AGAP1: variants seen among roughly 807,000 people sequenced by gnomAD.
The protein encoded by AGAP1 is ArfGAP with GTPase domain, ankyrin repeat and PH domain 1.
Under a neutral mutation model 105.3 loss-of-function variants are expected in AGAP1, and 29 were observed. The ratio of observed to expected loss-of-function variants is 0.28; its 90% CI spans 0.21 to 0.38. The LOEUF (loss-of-function observed/expected upper bound fraction) is 0.38, where lower values mean the gene tolerates loss of function less well. Ranked by LOEUF, AGAP1 falls within the 10% of genes least tolerant of loss-of-function variation. AGAP1 has a pLI of 1.00. For synonymous variants in AGAP1, 509 were observed against 485.9 expected, an observed-to-expected ratio of 1.05 and a Z score of -0.63; for missense variants, 998 against 1,165.1, an observed-to-expected ratio of 0.86 and a Z score of 2.09.
intron 13 of AGAP1, among the ~76,000 whole-genome samples, chr2:235,997,095 T>G (rs181507592): frequency 2.6e-5 from 4 of 152,194 alleles, no homozygotes; most frequent in Admixed American, 2.0e-4. Context: ...GAAGATCTTT[T>G]TTGTTGTTGT....
chr2:236,013,991 T>C (rs1234152742), intron 13 of AGAP1, among the ~76,000 whole-genome samples: 1 of 152,156 alleles, frequency 6.6e-6, no homozygotes, highest in Non-Finnish European at 1.5e-5. Flanking sequence ...AATGTGTCTC[T>C]GGAGGGTGGG....
At position 235,877,371 on chromosome 2, in the gene AGAP1, C is replaced by T. The variant is rs4663624; in HGVS notation, c.1051-5974C>T. ...ATGATGTTTTGCTGAAACAAAATGA[C>T]GGCCATCCGTGCCAGGGGTTAGGGA... On this transcript the variant is annotated intron_variant, in intron 9 of 17. Transcript: ENST00000304032. The surrounding 1 kb of genome is among the most constrained non-coding windows in gnomAD (Gnocchi z 4.3). Among the ~76,000 whole-genome samples, 52,112 of 152,018 alleles carry T rather than the reference C, an allele frequency of 0.34. 9,875 individuals carry two copies. The highest frequency in any genetic ancestry group is 0.63 in the South Asian group (3,048 of 4,810).
chr2:235,510,771 G>A (rs1476698381), intron 1 of AGAP1, among the ~76,000 whole-genome samples: 1 of 152,094 alleles, frequency 6.6e-6, no homozygotes, highest in African/African-American at 2.4e-5. Context: ...GGGCTGTGAA[G>A]TGTCTTGTAC....
intron 14 of AGAP1, among the ~76,000 whole-genome samples, chr2:236,037,989 G>A (rs1169144210): frequency 1.3e-5 from 2 of 152,204 alleles, no homozygotes; most frequent in Non-Finnish European, 2.9e-5. Context: ...AAGAGAGTCT[G>A]TCTTTCAGAA....
At position 235,559,934 on chromosome 2, in the gene AGAP1, GGTTT is replaced by G. The variant is rs1404591641; in HGVS notation, c.163+65088_163+65091del. Among the ~76,000 whole-genome samples, 1 of 151,716 alleles carries G rather than the reference GGTTT, an allele frequency of 6.6e-6. No individual in the cohort carries two copies. Among genetic ancestry groups the G allele is most frequent in the Admixed American group, 6.6e-5 (1 of 15,236 alleles). The stretch of plus-strand genomic sequence containing the variant: ...TTGCAAATATATTCTTTTTTTCTGT[GGTTT>G]GTCCATTAATGTTCTTGATATTCTT... On this transcript the variant is annotated intron_variant, in intron 1 of 17. Coordinates refer to ENST00000304032, the MANE Select transcript of AGAP1 (RefSeq NM_001037131.3). The surrounding 1 kb of genome is among the most constrained non-coding windows in gnomAD (Gnocchi z 5.7).
rs1941234161 is a variant in AGAP1 at position 235,494,754 on chromosome 2, T to G, written c.68T>G (p.Val23Gly). The change falls in exon 1 of 18, where the codon GTC becomes GGC. Residue 23 changes from valine (V) to glycine (G), a missense_variant. Transcript: ENST00000304032. The part of the protein sequence containing the change: ...IRAEIQRFES[V>G]HPNIYSIYEL... ...GCCGAGATCCAGCGCTTCGAGTCGG[T>G]CCACCCCAACATCTACTCCATCTAC... 6.4e-7 allele frequency: 1 copy of G among 1,574,130 alleles called. No homozygotes were observed. Among genetic ancestry groups the G allele is most frequent in the African/African-American group, 1.4e-5 (1 of 70,822 alleles).
intron 1 of AGAP1, among the ~76,000 whole-genome samples, chr2:235,661,471 G>A (rs563643862): frequency 1.1e-4 from 17 of 151,702 alleles, no homozygotes; most frequent in African/African-American, 3.4e-4. Flanking sequence ...CTGAGGGGAT[G>A]GGGCAGTGAT....
chr2:236,072,125 G>GT (rs11342740), intron 16 of AGAP1, among the ~76,000 whole-genome samples: 2,217 of 111,884 alleles, frequency 0.02, 53 homozygotes, highest in African/African-American at 0.047. Flanking sequence ...TTCGTTGTGG[G>GT]TTTTTTTTTT....
At chr2:235,850,047 G>T (rs538743993) in intron 9 of AGAP1, among the ~76,000 whole-genome samples, 2 of 152,292 alleles carry the variant, frequency 1.3e-5, no homozygotes, top group Admixed American at 6.5e-5. Context: ...AGCAGGTCTG[G>T]CCTGGCACCT....
chr2:235,705,663 CAG>C lies in AGAP1; in HGVS notation c.164-3513_164-3512del, dbSNP rs1950500688. Reference sequence around the variant, plus strand: ...GCATTCCATTTTGACTGGGCGGTAACAGAGTTGATGAAAGTTTTTAAAATAAA... The same window carrying C: ...GCATTCCATTTTGACTGGGCGGTAACAGTTGATGAAAGTTTTTAAAATAAA... On this transcript the variant is annotated intron_variant, in intron 1 of 17. Transcript: ENST00000304032. The surrounding 1 kb of genome is among the most constrained non-coding windows in gnomAD (Gnocchi z 4.9). Among the ~76,000 whole-genome samples, 1 of 152,190 alleles carries C rather than the reference CAG, an allele frequency of 6.6e-6. No individual in the cohort carries two copies. Among genetic ancestry groups the C allele is most frequent in the Admixed American group, 6.5e-5 (1 of 15,276 alleles).
Position 235,622,417 on chromosome 2 carries a change from A to G in AGAP1, c.164-86762A>G, listed in dbSNP as rs1371289157. Among the ~76,000 whole-genome samples, 1 of 152,188 alleles carries G rather than the reference A, an allele frequency of 6.6e-6. No homozygotes were observed. Among genetic ancestry groups the G allele is most frequent in the Non-Finnish European group, 1.5e-5 (1 of 68,040 alleles). ...ACGCTGCTCTCCTGCATGTCCGCCC[A>G]TCTCACTGGGGTGATGAATGGATCT... On this transcript the variant is annotated intron_variant, in intron 1 of 17. Transcript: ENST00000304032. The surrounding 1 kb of genome is among the most constrained non-coding windows in gnomAD (Gnocchi z 5.0).
At chr2:235,676,036 T>C (rs1489185615) in intron 1 of AGAP1, among the ~76,000 whole-genome samples, 1 of 152,228 alleles carries the variant, frequency 6.6e-6, no homozygotes, top group Admixed American at 6.5e-5. Context: ...GTAGTTTTTG[T>C]CTTTTTAATG....
rs1386420989 is a variant in AGAP1, at chr2:235,741,292, T to TAAAAAGGC, written c.396+246_396+253dup. ...GATGGCTTTTCACTTTCTGTGTTTT[T>TAAAAAGGC]AAAAAGGCAGGAAACGCACACTCTG... On this transcript the variant is annotated intron_variant, in intron 4 of 17. Coordinates refer to ENST00000304032, the MANE Select transcript of AGAP1 (RefSeq NM_001037131.3). The surrounding 1 kb of genome is among the most constrained non-coding windows in gnomAD (Gnocchi z 4.9). 2.0e-5 allele frequency among the ~76,000 whole-genome samples: 3 copies of TAAAAAGGC among 152,242 alleles called. No individual in the cohort carries two copies. Among genetic ancestry groups the TAAAAAGGC allele is most frequent in the Admixed American group, 6.5e-5 (1 of 15,290 alleles).
chr2:235,540,745 TA>T (rs1394237013), intron 1 of AGAP1, among the ~76,000 whole-genome samples: 3 of 152,130 alleles, frequency 2.0e-5, no homozygotes, highest in African/African-American at 7.2e-5. Flanking sequence ...ATGGTGGGGA[TA>T]GGGGCGGGAC....
At chr2:235,726,003 A>G (rs1430175963) in intron 3 of AGAP1, among the ~76,000 whole-genome samples, 1 of 152,254 alleles carries the variant, frequency 6.6e-6, no homozygotes, top group African/African-American at 2.4e-5. Flanking sequence ...GGCATTGATG[A>G]AATTGGCAGG....
chr2:235,537,518 T>G (rs1202141394), intron 1 of AGAP1, among the ~76,000 whole-genome samples: 1 of 152,182 alleles, frequency 6.6e-6, no homozygotes, highest in African/African-American at 2.4e-5. Context: ...GACAGCACCA[T>G]GGTAACATGC....
In AGAP1 at chr2:235,964,300, G is replaced by C. The variant is rs1487049374; in HGVS notation, c.1484-4162G>C. Among the ~76,000 whole-genome samples, 1 of 152,024 alleles carries C rather than the reference G, an allele frequency of 6.6e-6. No individual in the cohort carries two copies. Among genetic ancestry groups the C allele is most frequent in the East Asian group, 1.9e-4 (1 of 5,184 alleles). ...TAATATAATAATATTACTTAATAGC[G>C]GCCCCTGGCAGCCGAGGAGAGTTGC... is the stretch of plus-strand genomic sequence containing the variant. On this transcript the variant is annotated intron_variant, in intron 12 of 17. Coordinates refer to ENST00000304032, the MANE Select transcript of AGAP1 (RefSeq NM_001037131.3). This position sits in a 1 kb window ranked among gnomAD's most constrained non-coding sequence, Gnocchi z 4.6.
Position 235,663,398 on chromosome 2 carries a change from C to T in AGAP1, c.164-45781C>T, listed in dbSNP as rs190867638. Among the ~76,000 whole-genome samples the T allele has an allele frequency of 2.3e-4, 35 of 152,274 alleles. No homozygotes were observed. Among genetic ancestry groups the T allele is most frequent in the African/African-American group, 7.5e-4 (31 of 41,560 alleles). On this transcript the variant is annotated intron_variant, in intron 1 of 17. Transcript: ENST00000304032. The surrounding 1 kb of genome is among the most constrained non-coding windows in gnomAD (Gnocchi z 5.4). ...TTGGGCTTTGAACTGGCATCGTAGG[C>T]ATTTTGTTTTCTACATTTAGAGGAA...
intron 10 of AGAP1, among the ~76,000 whole-genome samples, chr2:235,899,314 G>A (rs141184967): frequency 0.023 from 3,564 of 152,190 alleles, 112 homozygotes; most frequent in African/African-American, 0.082. Flanking sequence ...GGCGTTCAAG[G>A]CCAGCCTGGC....
Sources: gnomAD v4.1 joint callset for allele counts (sites outside exome capture counted in the v4.1 genomes callset) on GRCh38, gnomAD v4.1.1 for gene constraint, Gnocchi (gnomAD v3.1) non-coding constraint, MANE v1.5 for transcripts, NCBI Gene and HGNC (gene_info 2026-07-23, HGNC 2026-07-21) for gene names.